KIRREL3: variants seen among roughly 807,000 people sequenced by gnomAD.
KIRREL3 encodes kin of IRRE-like protein 3.
A neutral mutation model predicts 89.7 loss-of-function variants in KIRREL3; 36 were observed. The observed-to-expected ratio is 0.40, with a 90% CI of 0.31 to 0.53. KIRREL3 has a LOEUF of 0.53. KIRREL3 is among the 20% of genes least tolerant of loss of function. The pLI, the probability that KIRREL3 is intolerant of heterozygous loss-of-function variation, is 0.49. For missense variants in KIRREL3, 864 were observed against 1,056.6 expected (o/e 0.82, Z 2.53); for synonymous variants, 445 against 441.4 (o/e 1.01, Z -0.10).
chr11:126,915,306 C>T (rs980057714), intron 1 of KIRREL3, among the ~76,000 whole-genome samples: 20 of 152,180 alleles, frequency 1.3e-4, no homozygotes, highest in Non-Finnish European at 2.8e-4. Flanking sequence ...CCCCCACTCC[C>T]AGCATATTTT....
intron 1 of KIRREL3, among the ~76,000 whole-genome samples, chr11:126,847,919 A>T (rs1033938774): frequency 6.6e-6 from 1 of 152,212 alleles, no homozygotes; most frequent in South Asian, 2.1e-4. Flanking sequence ...ACAGGACACA[A>T]TTGGAGAAAC....
intron 7 of KIRREL3, among the ~76,000 whole-genome samples, 166 bp from the exon 8 acceptor site, chr11:126,449,323 C>T (rs1464651038): frequency 6.6e-6 from 1 of 152,312 alleles, no homozygotes; most frequent in East Asian, 1.9e-4. Flanking sequence ...ACTTCAAGGG[C>T]TCAGAAAGAG....
chr11:126,975,737 ATCT>A (rs2135229693), intron 1 of KIRREL3, among the ~76,000 whole-genome samples: 1 of 152,316 alleles, frequency 6.6e-6, no homozygotes, highest in South Asian at 2.1e-4. Flanking sequence ...AGCAGCTAGA[ATCT>A]TCAAGTTTAA....
At chr11:126,853,235 A>C (rs1944399475) in intron 1 of KIRREL3, among the ~76,000 whole-genome samples, 1 of 152,228 alleles carries the variant, frequency 6.6e-6, no homozygotes, top group Admixed American at 6.5e-5. Flanking sequence ...CGAAGAATTA[A>C]GATTTGATCT....
rs540550669 is a variant in KIRREL3, at chr11:126,918,205, A to G, written c.55+82250T>C. Among the ~76,000 whole-genome samples the G allele has an allele frequency of 1.3e-5, 2 of 152,324 alleles. No homozygotes were observed. Among genetic ancestry groups the G allele is most frequent in the South Asian group, 4.1e-4 (2 of 4,826 alleles). ...AATGTTCATTGCCTACTCGCTCATC[A>G]TGGTGCTTCCCTCCCATGTGTGTGT... On this transcript the variant is annotated intron_variant, in intron 1 of 16. Coordinates refer to ENST00000525144, the MANE Select transcript of KIRREL3 (RefSeq NM_032531.4). This position sits in a 1 kb window ranked among gnomAD's most constrained non-coding sequence, Gnocchi z 6.5.
chr11:126,814,254 C>T lies in KIRREL3; in HGVS notation c.55+186201G>A, dbSNP rs12226304. ...GGCTTTTTTTTTAAAATTAAAAAGT[C>T]AAAAAGCAACAGATGCTGGCGAGGT... On this transcript the variant is annotated intron_variant, in intron 1 of 16. Transcript: ENST00000525144. The surrounding 1 kb of genome is among the most constrained non-coding windows in gnomAD (Gnocchi z 4.4). 0.25 allele frequency among the ~76,000 whole-genome samples: 37,991 copies of T among 151,720 alleles called. 4,786 individuals are homozygous for T. The highest frequency in any genetic ancestry group is 0.31 in the Admixed American group (4,783 of 15,262).
At chr11:126,913,548 G>A (rs1287390194) in intron 1 of KIRREL3, among the ~76,000 whole-genome samples, 1 of 152,148 alleles carries the variant, frequency 6.6e-6, no homozygotes, top group Admixed American at 6.5e-5. Flanking sequence ...AGGCTGGCCT[G>A]GGAAAAACGC....
chr11:126,770,830 G>A (rs1949997147), intron 1 of KIRREL3, among the ~76,000 whole-genome samples: 1 of 152,080 alleles, frequency 6.6e-6, no homozygotes, highest in Non-Finnish European at 1.5e-5. Context: ...AGAGGAAGGA[G>A]CATTTACTTA....
At chr11:126,801,443 C>T (rs1166998685) in intron 1 of KIRREL3, among the ~76,000 whole-genome samples, 1 of 152,210 alleles carries the variant, frequency 6.6e-6, no homozygotes, top group Non-Finnish European at 1.5e-5. Flanking sequence ...AATTCCATAA[C>T]TCAGAGTATT....
At chr11:126,826,450 G>T (rs1233298569) in intron 1 of KIRREL3, among the ~76,000 whole-genome samples, 1 of 151,946 alleles carries the variant, frequency 6.6e-6, no homozygotes, top group Non-Finnish European at 1.5e-5. Context: ...TTATTAAGTG[G>T]GTCCCTTTGT....
intron 1 of KIRREL3, among the ~76,000 whole-genome samples, chr11:126,801,833 G>A (rs1255501259): frequency 6.6e-6 from 1 of 152,174 alleles, no homozygotes; most frequent in Non-Finnish European, 1.5e-5. Flanking sequence ...CTACTTGGAG[G>A]ATGAGGCAGG....
rs1164879661 is a variant in KIRREL3 at position 126,427,929 on chromosome 11, T to G, written c.1806+1250A>C. ...GTGGGGCACACATTTGAGACACTTT[T>G]TGAAGTGGAATTGACAGGACCTGAA... On this transcript the variant is annotated intron_variant, in intron 15 of 16. Coordinates refer to ENST00000525144, the MANE Select transcript of KIRREL3 (RefSeq NM_032531.4). The surrounding 1 kb of genome is among the most constrained non-coding windows in gnomAD (Gnocchi z 5.3). 1.3e-5 allele frequency among the ~76,000 whole-genome samples: 2 copies of G among 152,114 alleles called. No individual in the cohort carries two copies. The highest frequency in any genetic ancestry group is 2.9e-5 in the Non-Finnish European group (2 of 68,016).
chr11:126,865,838 T>C (rs1944900440), intron 1 of KIRREL3, among the ~76,000 whole-genome samples: 1 of 152,228 alleles, frequency 6.6e-6, no homozygotes, highest in African/African-American at 2.4e-5. Flanking sequence ...AAAATACTTA[T>C]ATATGTTTCA....
rs149458210 is a variant in KIRREL3 at position 126,883,564 on chromosome 11, T to A, written c.55+116891A>T. On this transcript the variant is annotated intron_variant, in intron 1 of 16. Coordinates refer to ENST00000525144, the MANE Select transcript of KIRREL3 (RefSeq NM_032531.4). This position sits in a 1 kb window ranked among gnomAD's most constrained non-coding sequence, Gnocchi z 4.1. ...ATCCAAACCTTTGATGAAGTTTGGGTAAAGTCACTTTCTGCAGTGGAGAAT... is the reference window on the plus strand; with the variant it reads ...ATCCAAACCTTTGATGAAGTTTGGGAAAAGTCACTTTCTGCAGTGGAGAAT... 4.6e-5 allele frequency among the ~76,000 whole-genome samples: 7 copies of A among 152,202 alleles called. No individual in the cohort carries two copies. The highest frequency in any genetic ancestry group is 4.6e-4 in the Admixed American group (7 of 15,278).
chr11:126,478,148 G>A lies in KIRREL3; in HGVS notation c.434-4682C>T, dbSNP rs549335909. Among the ~76,000 whole-genome samples the A allele has an allele frequency of 4.6e-5, 7 of 152,290 alleles. 1 individual carries two copies. The South Asian group carries it at 1.2e-3, about 27-fold the overall frequency. Reference sequence around the variant, plus strand: ...CTGCTCAGCAAACCCAGCTCCTTCCGGGGCCGGGCTTGCCCTGCTCCTCTC... The same window carrying A: ...CTGCTCAGCAAACCCAGCTCCTTCCAGGGCCGGGCTTGCCCTGCTCCTCTC... On this transcript the variant is annotated intron_variant, in intron 4 of 16. Transcript: ENST00000525144.
In KIRREL3 at chr11:126,653,122, T is replaced by C. The variant is rs1944972129; in HGVS notation, c.56-90210A>G. On this transcript the variant is annotated intron_variant, in intron 1 of 16. Coordinates refer to ENST00000525144, the MANE Select transcript of KIRREL3 (RefSeq NM_032531.4). This position sits in a 1 kb window ranked among gnomAD's most constrained non-coding sequence, Gnocchi z 5.4. Reference sequence around the variant, plus strand: ...TTGTTTGTAATTGTCTTGTGAGGAATATATGTACACAACTGAAAAGTTAAG... The same window carrying C: ...TTGTTTGTAATTGTCTTGTGAGGAACATATGTACACAACTGAAAAGTTAAG... 6.6e-6 allele frequency among the ~76,000 whole-genome samples: 1 copy of C among 152,176 alleles called. No homozygotes were observed. The highest frequency in any genetic ancestry group is 2.4e-5 in the African/African-American group (1 of 41,424).
intron 1 of KIRREL3, among the ~76,000 whole-genome samples, chr11:126,824,310 T>C (rs1189561628): frequency 1.3e-5 from 2 of 152,208 alleles, no homozygotes; most frequent in Non-Finnish European, 2.9e-5. Context: ...AGAAACAGTC[T>C]ACAGAGTGCC....
rs1214563945 is a variant in KIRREL3 at position 126,905,464 on chromosome 11, G to T, written c.55+94991C>A. On this transcript the variant is annotated intron_variant, in intron 1 of 16. Transcript: ENST00000525144. This position sits in a 1 kb window ranked among gnomAD's most constrained non-coding sequence, Gnocchi z 5.0. ...CACATTAGGTAGGTCCTTCCATAAT[G>T]TCTTTCTCATTAAGAGTCTAAGCCC... Among the ~76,000 whole-genome samples the T allele has an allele frequency of 6.6e-6, 1 of 152,138 alleles. No homozygotes were observed. Among genetic ancestry groups the T allele is most frequent in the Non-Finnish European group, 1.5e-5 (1 of 68,024 alleles).
At chr11:126,510,276 G>C (rs1958174016) in intron 4 of KIRREL3, among the ~76,000 whole-genome samples, 1 of 152,056 alleles carries the variant, frequency 6.6e-6, no homozygotes, top group Non-Finnish European at 1.5e-5. Context: ...CTCATCTCTG[G>C]AGATGAATCT....
Sources: gnomAD v4.1 joint callset for allele counts (sites outside exome capture counted in the v4.1 genomes callset) on GRCh38, gnomAD v4.1.1 for gene constraint, Gnocchi (gnomAD v3.1) non-coding constraint, MANE v1.5 for transcripts, NCBI Gene and HGNC (gene_info 2026-07-23, HGNC 2026-07-21) for gene names.